PHF1: variants seen among roughly 807,000 people sequenced by gnomAD.
PHF1 encodes PHD finger protein 1.
In PHF1, 16 loss-of-function variants were observed where a neutral mutation model predicts 69.4. That is an observed-to-expected ratio of 0.23 (90% confidence interval 0.16 to 0.35). The LOEUF is 0.35. PHF1 is among the 10% of genes least tolerant of loss of function. The probability of loss-of-function intolerance (pLI) is 1.00; values close to 1 mark genes in which losing one functional copy is unlikely to be tolerated. For missense variants in PHF1, 515 were observed against 732.8 expected (o/e 0.70, Z 3.43); for synonymous variants, 274 against 275.0 (o/e 1.00, Z 0.04).
intron 6 of PHF1, 71 bp downstream of exon 6, chr6:33,413,628 A>G: frequency 6.2e-7 from 1 of 1,608,122 alleles, no homozygotes; most frequent in Non-Finnish European, 8.5e-7. Context: ...TGAAGGAAAA[A>G]GAACAGGATG....
In PHF1 at chr6:33,414,792, C is replaced by A. The variant is rs1409112283; in HGVS notation, c.1012C>A (p.Pro338Thr). 19 of 1,613,908 alleles carry A rather than the reference C, an allele frequency of 1.2e-5. No homozygotes were observed. Among genetic ancestry groups the A allele is most frequent in the Non-Finnish European group, 1.6e-5 (19 of 1,179,886 alleles). The change falls in exon 11 of 15, where the codon CCT (proline) becomes ACT (threonine). Residue 338 changes from proline (P) to threonine (T), a missense_variant. This residue lies in a region of PHF1 where 274 missense variants were observed against 304.5 expected (regional missense o/e 0.90). Transcript: ENST00000374516. The surrounding 1 kb of genome is among the most constrained non-coding windows in gnomAD (Gnocchi z 5.0). ...LFGLHARMPPPVEPPTGDGAL... is the reference protein window; with the variant it reads ...LFGLHARMPPTVEPPTGDGAL... The stretch of plus-strand genomic sequence containing the variant: ...TGGTCTCCATGCTCGGATGCCTCCC[C>A]CTGTGGAGCCCCCTACTGGAGATGG...
chr6:33,413,357 C>A (rs963530001), intron 5 of PHF1, 52 bp from the exon 6 acceptor site: 3 of 1,611,834 alleles, frequency 1.9e-6, no homozygotes, highest in Non-Finnish European at 2.5e-6. Context: ...CTCTCCCAAG[C>A]CTTTTCCTCT....
chr6:33,410,834 C>T (rs1345213891), upstream of PHF1: 1 of 152,184 alleles, frequency 6.6e-6, no homozygotes, highest in East Asian at 1.9e-4. Flanking sequence ...ACTCTTCGCT[C>T]CCCAAGCCGC....
upstream of PHF1, chr6:33,410,660 G>A (rs1219526407): frequency 2.1e-5 from 3 of 140,470 alleles, no homozygotes; most frequent in African/African-American, 7.9e-5. Flanking sequence ...GCCGGGGGGC[G>A]GGACTTGGAG....
rs376222652 is a variant in PHF1 at position 33,414,430 on chromosome 6, G to A, written c.877-47G>A. On this transcript the variant is annotated intron_variant, in intron 9 of 14. Transcript: ENST00000374516. This position sits in a 1 kb window ranked among gnomAD's most constrained non-coding sequence, Gnocchi z 5.0. ...GGGAGATGTAGCGGAAAGGGGAAGA[G>A]AAGAAATCACTGCTCCCCTGGCCCC... 1 of 1,613,646 alleles carries A rather than the reference G, an allele frequency of 6.2e-7. No individual in the cohort carries two copies. Among genetic ancestry groups the A allele is most frequent in the African/African-American group, 1.3e-5 (1 of 74,874 alleles).
rs1484052300 is a variant in PHF1 at position 33,414,770 on chromosome 6, T to C, written c.990T>C (p.Gly330=). The C allele has an allele frequency of 6.2e-7, 1 of 1,613,986 alleles. No homozygotes were observed. Among genetic ancestry groups the C allele is most frequent in the East Asian group, 2.2e-5 (1 of 44,880 alleles). The change falls in exon 11 of 15, where the codon GGT becomes GGC. Residue 330 remains glycine, a synonymous_variant. Coordinates refer to ENST00000374516, the MANE Select transcript of PHF1 (RefSeq NM_024165.3). This position sits in a 1 kb window ranked among gnomAD's most constrained non-coding sequence, Gnocchi z 5.0. The part of the protein sequence containing the change: ...REIKKRKCLF[G]LHARMPPPVE... ...TTAAGAAGAGGAAATGTTTGTTTGG[T>C]CTCCATGCTCGGATGCCTCCCCCTG...
intron 13 of PHF1, 56 bp downstream of exon 13, chr6:33,415,385 C>T (rs977412219): frequency 1.3e-5 from 18 of 1,418,212 alleles, no homozygotes; most frequent in Non-Finnish European, 1.4e-5. Context: ...TTCACATCTT[C>T]TGGACTTTAT....
chr6:33,412,219 C>T lies in PHF1; in HGVS notation c.-16-29C>T, dbSNP rs1776119603. The T allele has an allele frequency of 6.7e-7, 1 of 1,491,750 alleles. No homozygotes were observed. Among genetic ancestry groups the T allele is most frequent in the Non-Finnish European group, 9.3e-7 (1 of 1,079,148 alleles). 92.4% of individuals were successfully genotyped at this position (1,491,750 alleles called of 1,614,324 possible). ...GGGAAGGTTTCTCAGCATTCATAAC[C>T]TTCTCCTCCCCATTTCTTTTCTGGC... On this transcript the variant is annotated intron_variant, in intron 1 of 14. Coordinates refer to ENST00000374516, the MANE Select transcript of PHF1 (RefSeq NM_024165.3). The surrounding 1 kb of genome is among the most constrained non-coding windows in gnomAD (Gnocchi z 4.2).
chr6:33,415,040 A>T lies in PHF1; in HGVS notation c.1135A>T (p.Arg379Trp). The T allele has an allele frequency of 6.3e-7, 1 of 1,592,946 alleles. No individual in the cohort carries two copies. ...RRPEPEPLRR[R>W]QKGKVEELGP... The stretch of plus-strand genomic sequence containing the variant: ...GCCGGAGCCAGAGCCCCTGAGGAGG[A>T]GGCAGAAGGGGAAAGTGGAGGAGCT... Residue 379 changes from arginine (R) to tryptophan (W), a missense_variant, in exon 12 of 15, where the codon AGG becomes TGG. Transcript: ENST00000374516.
rs905336327 is a variant in PHF1, at chr6:33,414,996, C to T, written c.1091C>T (p.Pro364Leu). 2 of 1,558,762 alleles carry T rather than the reference C, an allele frequency of 1.3e-6. No homozygotes were observed. The highest frequency in any genetic ancestry group is 1.7e-6 in the Non-Finnish European group (2 of 1,151,752). ...GGCCCTGGGGGAGGGGTCTCACGTC[C>T]CCTGGGGAAGCGCCGGAGGCCGGAG... ...GQGPGGGVSR[P>L]LGKRRRPEPE... is the part of the protein sequence containing the mutation. Residue 364 changes from proline to leucine, a missense_variant, in exon 12 of 15, where the codon CCC becomes CTC. Physicochemically the swap from Pro to Leu is moderately conservative, Grantham distance 98. Transcript: ENST00000374516. This position sits in a 1 kb window ranked among gnomAD's most constrained non-coding sequence, Gnocchi z 5.0.
At position 33,412,921 on chromosome 6, in the gene PHF1, C is replaced by T. The variant is rs867564436; in HGVS notation, c.337+128C>T. 6.2e-6 allele frequency: 5 copies of T among 800,136 alleles called. No individual in the cohort carries two copies. The South Asian group carries it at 8.0e-5, about 13-fold the overall frequency. 49.6% of individuals were successfully genotyped at this position (800,136 alleles called of 1,614,324 possible). On this transcript the variant is annotated intron_variant, in intron 4 of 14. Coordinates refer to ENST00000374516, the MANE Select transcript of PHF1 (RefSeq NM_024165.3). The surrounding 1 kb of genome is among the most constrained non-coding windows in gnomAD (Gnocchi z 4.2). ...GGCTGCTTAGCCTTATCTTAGTCCT[C>T]ATCCGCTTTCAGCCCAGGGAGAAGC...
chr6:33,411,837 A>AC (rs1776085742), intron 1 of PHF1, among the ~76,000 whole-genome samples: 1 of 152,120 alleles, frequency 6.6e-6, no homozygotes, highest in Non-Finnish European at 1.5e-5. Context: ...GGGCACAGAT[A>AC]CTTCATTCTT....
At chr6:33,410,941 C>A (rs1775990937), upstream of PHF1, 1 of 146,684 alleles carries the variant, frequency 6.8e-6, no homozygotes, top group East Asian at 2.0e-4. Context: ...TCCTCCTTTC[C>A]CCCAGTCCTC....
Position 33,414,170 on chromosome 6 carries a change from C to T in PHF1, c.752+61C>T, listed in dbSNP as rs576030935. On this transcript the variant is annotated intron_variant, in intron 8 of 14. Transcript: ENST00000374516. This position sits in a 1 kb window ranked among gnomAD's most constrained non-coding sequence, Gnocchi z 5.0. ...ACACCACAGTATTTCACTCTATATGCCCCAACCTCCCACCTCAGGACTCCC... is the reference window on the plus strand; with the variant it reads ...ACACCACAGTATTTCACTCTATATGTCCCAACCTCCCACCTCAGGACTCCC... 3 of 1,613,568 alleles carry T rather than the reference C, an allele frequency of 1.9e-6. No individual in the cohort carries two copies. The highest frequency in any genetic ancestry group is 2.2e-5 in the South Asian group (2 of 91,074).
At chr6:33,410,904 G>T (rs1305182820), upstream of PHF1, 3 of 151,732 alleles carry the variant, frequency 2.0e-5, no homozygotes, top group African/African-American at 7.3e-5. Context: ...GAGGTGGGGT[G>T]AGGTGGTGCC....
At chr6:33,413,945 A>ACCTCACCTGTTTGCC in intron 7 of PHF1, 96 bp from the exon 8 acceptor site, 1 of 1,549,120 alleles carries the variant, frequency 6.5e-7, no homozygotes, top group Non-Finnish European at 8.9e-7. Context: ...CTGCAGCGTT[A>ACCTCACCTGTTTGCC]CCTCACCTGT....
chr6:33,413,890 C>T (rs1776254631), intron 7 of PHF1, 59 bp downstream of exon 7: 3 of 1,545,306 alleles, frequency 1.9e-6, no homozygotes, highest in Admixed American at 3.4e-5. Flanking sequence ...GTGTTCCACC[C>T]TCAGTTCTCC....
chr6:33,412,343 C>T lies in PHF1; in HGVS notation c.80C>T (p.Pro27Leu). ...GCTTCTCCTGCTCCCACCTCTGGCCCCAGGCCTCGGCTTTGGGAGGGTCAA... is the reference window on the plus strand; with the variant it reads ...GCTTCTCCTGCTCCCACCTCTGGCCTCAGGCCTCGGCTTTGGGAGGGTCAA... The part of the protein sequence containing the change: ...DPASPAPTSG[P>L]RPRLWEGQDV... Residue 27 changes from proline to leucine, a missense_variant, in exon 2 of 15, where the codon CCC becomes CTC. Transcript: ENST00000374516. The surrounding 1 kb of genome is among the most constrained non-coding windows in gnomAD (Gnocchi z 4.2). The T allele has an allele frequency of 6.2e-7, 1 of 1,614,194 alleles. No individual in the cohort carries two copies. The highest frequency in any genetic ancestry group is 1.1e-5 in the South Asian group (1 of 91,080).
At chr6:33,410,924 C>G (rs1237469069), upstream of PHF1, 2 of 150,242 alleles carry the variant, frequency 1.3e-5, no homozygotes, top group African/African-American at 4.9e-5. Context: ...CCGCCCCCCC[C>G]TCCGGCTCCT....
Sources: allele counts gnomAD v4.1 joint callset (sites outside exome capture counted in the v4.1 genomes callset), GRCh38; gene constraint gnomAD v4.1.1; regional missense constraint gnomAD v4.1.1; non-coding constraint Gnocchi (gnomAD v3.1); transcripts MANE v1.5; gene names NCBI Gene and HGNC (gene_info 2026-07-23, HGNC 2026-07-21).